Variants in PTPRD observed in about 807,000 individuals in gnomAD.
The protein encoded by PTPRD is protein tyrosine phosphatase receptor type D, also known as receptor-type tyrosine-protein phosphatase delta.
Under a neutral mutation model 214.5 loss-of-function variants are expected in PTPRD, and 34 were observed. The ratio of observed to expected loss-of-function variants is 0.16; its 90% CI spans 0.12 to 0.21. PTPRD has a LOEUF of 0.21. PTPRD is among the 10% of genes least tolerant of loss of function. The pLI is 1.00. For missense variants in PTPRD, 2,545 were observed against 2,398.7 expected (o/e 1.06, Z -1.27); for synonymous variants, 1,128 against 845.7 (o/e 1.33, Z -5.79).
chr9:8,860,005 A>C (rs139387306), intron 11 of PTPRD: 1 of 152,372 alleles, frequency 6.6e-6, no homozygotes, highest in Non-Finnish European at 1.5e-5. Context: ...CTGTGACCTA[A>C]GGATGGATCC....
At chr9:9,093,646 A>T (rs1378729615) in intron 10 of PTPRD, among the ~76,000 whole-genome samples, 1 of 149,570 alleles carries the variant, frequency 6.7e-6, no homozygotes. Flanking sequence ...TAAAATTAAA[A>T]ACACAACCTG....
chr9:9,593,173 TTTA>T (rs1159889002), intron 7 of PTPRD, among the ~76,000 whole-genome samples: 2 of 148,124 alleles, frequency 1.4e-5, no homozygotes, highest in African/African-American at 5.1e-5. Flanking sequence ...GAAAAATGAA[TTTA>T]TTGAGTTTTT....
intron 3 of PTPRD, among the ~76,000 whole-genome samples, chr9:10,050,809 A>G (rs975035423): frequency 2.0e-5 from 3 of 151,894 alleles, no homozygotes; most frequent in Admixed American, 6.6e-5. Flanking sequence ...TTCCTGTCCA[A>G]TTTTGGGTGA....
chr9:9,147,076 C>T (rs975838787), intron 10 of PTPRD, among the ~76,000 whole-genome samples: 1 of 152,048 alleles, frequency 6.6e-6, no homozygotes, highest in Non-Finnish European at 1.5e-5. Context: ...TAAGTTAGTA[C>T]ATTACAAGTA....
Position 8,495,953 on chromosome 9 carries a change from G to A in PTPRD, c.2349+1289C>T, listed in dbSNP as rs77867319. ...AATATTGAAGAGTTAAAGACTGACC[G>A]GCCAGCTTTTTAGCTTGACTCTTCT... On this transcript the variant is annotated intron_variant, in intron 26 of 45. Coordinates refer to ENST00000381196, the MANE Select transcript of PTPRD (RefSeq NM_002839.4). Among the ~76,000 whole-genome samples, 259 of 151,916 alleles carry A rather than the reference G, an allele frequency of 1.7e-3. 2 individuals are homozygous for A. The East Asian group carries it at 0.029, about 17-fold the overall frequency.
intron 7 of PTPRD, among the ~76,000 whole-genome samples, chr9:9,650,840 A>G (rs2154372572): frequency 6.6e-6 from 1 of 152,232 alleles, no homozygotes; most frequent in East Asian, 1.9e-4. Flanking sequence ...TTGTACACCT[A>G]TTTATCAGAC....
intron 8 of PTPRD, among the ~76,000 whole-genome samples, chr9:9,474,221 C>G (rs1390379345): frequency 6.6e-6 from 1 of 152,022 alleles, no homozygotes; most frequent in African/African-American, 2.4e-5. Flanking sequence ...TGTCCTTTCC[C>G]TAACGTATCT....
At chr9:10,545,020 T>C (rs550158619) in intron 2 of PTPRD, among the ~76,000 whole-genome samples, 1 of 152,202 alleles carries the variant, frequency 6.6e-6, no homozygotes, top group Admixed American at 6.5e-5. Flanking sequence ...GTTTAAGTTT[T>C]AGATATGTAA....
intron 9 of PTPRD, among the ~76,000 whole-genome samples, chr9:9,326,244 T>TAGGAG (rs1453126099): frequency 4.6e-4 from 70 of 152,280 alleles, no homozygotes; most frequent in African/African-American, 1.6e-3. Flanking sequence ...GATCTTTCAC[T>TAGGAG]CAAATATCTC....
chr9:8,404,040 T>C (rs1312938836), intron 36 of PTPRD, among the ~76,000 whole-genome samples: 2 of 152,200 alleles, frequency 1.3e-5, no homozygotes, highest in African/African-American at 2.4e-5. Flanking sequence ...TTCTGTCATA[T>C]GGTGTCAGGG....
At chr9:10,293,784 T>C (rs7857994) in intron 3 of PTPRD, among the ~76,000 whole-genome samples, 3,457 of 152,034 alleles carry the variant, frequency 0.023, 147 homozygotes, top group African/African-American at 0.079. Flanking sequence ...CAGCCACTTG[T>C]CTCCAGAGTG....
chr9:8,782,474 C>A (rs528421462), intron 11 of PTPRD, among the ~76,000 whole-genome samples: 1 of 152,104 alleles, frequency 6.6e-6, no homozygotes, highest in Admixed American at 6.6e-5. Context: ...AATTTTATAT[C>A]CTCAATTTCT....
intron 2 of PTPRD, among the ~76,000 whole-genome samples, chr9:10,349,101 T>G (rs7044115): frequency 0.24 from 36,639 of 151,766 alleles, 4,568 homozygotes; most frequent in South Asian, 0.32. Context: ...ATATAAAAAT[T>G]CAGACTCACT....
chr9:9,992,013 G>T (rs1024767370), intron 4 of PTPRD, among the ~76,000 whole-genome samples: 9 of 152,176 alleles, frequency 5.9e-5, no homozygotes, highest in Non-Finnish European at 1.2e-4. Context: ...AAAGGAGTCA[G>T]TCATTATATG....
At chr9:8,724,813 C>T (rs932977949) in intron 12 of PTPRD, among the ~76,000 whole-genome samples, 2 of 151,944 alleles carry the variant, frequency 1.3e-5, no homozygotes, top group African/African-American at 4.8e-5. Context: ...CGGCACGTGC[C>T]AGTAATCCCA....
intron 14 of PTPRD, among the ~76,000 whole-genome samples, chr9:8,592,401 G>T (rs964743459): frequency 4.0e-5 from 6 of 151,386 alleles, no homozygotes; most frequent in Non-Finnish European, 7.4e-5. Flanking sequence ...ATGGCCTATA[G>T]GGAGTTAGAG....
At chr9:10,141,017 G>A (rs1479768139) in intron 3 of PTPRD, among the ~76,000 whole-genome samples, 1 of 152,012 alleles carries the variant, frequency 6.6e-6, no homozygotes, top group Non-Finnish European at 1.5e-5. Flanking sequence ...TATCTCAATA[G>A]ATGCAGAAAA....
intron 8 of PTPRD, among the ~76,000 whole-genome samples, chr9:9,569,552 C>CT (rs578154996): frequency 0.022 from 3,251 of 150,608 alleles, 47 homozygotes; most frequent in Admixed American, 0.027. Flanking sequence ...TTCTAAAGCT[C>CT]TTTTTTTTTC....
chr9:10,535,982 T>G (rs1435692163), intron 2 of PTPRD, among the ~76,000 whole-genome samples: 4 of 152,064 alleles, frequency 2.6e-5, no homozygotes, highest in African/African-American at 9.7e-5. Context: ...AGGAAAGTAT[T>G]TGGGGAAATA....
Sources: gnomAD v4.1 joint callset for allele counts (sites outside exome capture counted in the v4.1 genomes callset) on GRCh38, gnomAD v4.1.1 for gene constraint, MANE v1.5 for transcripts, NCBI Gene and HGNC (gene_info 2026-07-23, HGNC 2026-07-21) for gene names.